Variants in TENM3 observed in about 807,000 individuals in gnomAD.
TENM3 encodes teneurin transmembrane protein 3, also known as teneurin-3.
A neutral mutation model predicts 255.1 loss-of-function variants in TENM3; 63 were observed. That is an observed-to-expected ratio of 0.25 (90% CI 0.20 to 0.30). The LOEUF (loss-of-function observed/expected upper bound fraction) is 0.30, where lower values mean the gene tolerates loss of function less well. TENM3 is among the 10% of genes least tolerant of loss of function. The pLI, the probability that TENM3 is intolerant of heterozygous loss-of-function variation, is 1.00. For synonymous variants in TENM3, 1,306 were observed against 1,322.3 expected (o/e 0.99, Z 0.27); for missense variants, 2,929 against 3,461.1 (o/e 0.85, Z 3.86).
the TENM3 span, among the ~76,000 whole-genome samples, chr4:182,069,095 G>A: frequency 6.6e-6 from 1 of 152,116 alleles, no homozygotes. Flanking sequence ...AAACCTTCAT[G>A]AGTGAAATTG....
chr4:181,841,063 A>G, the TENM3 span, among the ~76,000 whole-genome samples: 12 of 152,086 alleles, frequency 7.9e-5, no homozygotes, highest in Non-Finnish European at 1.6e-4. Flanking sequence ...TCTCCTCTGA[A>G]TTTGGAGAAC....
chr4:182,198,953 T>C (rs1046600559), intron 1 of TENM3, among the ~76,000 whole-genome samples: 3 of 152,080 alleles, frequency 2.0e-5, no homozygotes, highest in Non-Finnish European at 4.4e-5. Flanking sequence ...TCTTAACACA[T>C]GAAAGAAGAA....
At chr4:182,188,026 T>A (rs574234769) in intron 1 of TENM3, among the ~76,000 whole-genome samples, 121 of 152,330 alleles carry the variant, frequency 7.9e-4, no homozygotes, top group Non-Finnish European at 1.4e-3. Context: ...TGTGATACAG[T>A]GTTTAAATAC....
chr4:182,003,976 CTCTT>C, the TENM3 span, among the ~76,000 whole-genome samples: 1 of 151,856 alleles, frequency 6.6e-6, no homozygotes, highest in African/African-American at 2.4e-5. Context: ...TATTCTCACT[CTCTT>C]AATGCCAATG....
intron 3 of TENM3, among the ~76,000 whole-genome samples, chr4:182,411,037 G>T (rs185488672): frequency 1.4e-4 from 22 of 152,282 alleles, no homozygotes; most frequent in Non-Finnish European, 2.9e-4. Flanking sequence ...CAGGTGTAAA[G>T]GAGGAAATTA....
At chr4:182,433,480 AAAG>A (rs1771813001) in intron 3 of TENM3, among the ~76,000 whole-genome samples, 1 of 152,162 alleles carries the variant, frequency 6.6e-6, no homozygotes, top group African/African-American at 2.4e-5. Flanking sequence ...AGAGACAAAG[AAAG>A]AAGGAGACAG....
chr4:182,340,159 C>A (rs1156276097), intron 2 of TENM3, among the ~76,000 whole-genome samples: 1 of 152,170 alleles, frequency 6.6e-6, no homozygotes, highest in Non-Finnish European at 1.5e-5. Context: ...TGGGGCCATT[C>A]ATTCTAGTCC....
At chr4:181,909,631 C>G in the TENM3 span, among the ~76,000 whole-genome samples, 1 of 145,996 alleles carries the variant, frequency 6.8e-6, no homozygotes, top group African/African-American at 2.5e-5. Flanking sequence ...CATGTATCAT[C>G]TAGTAATGAT....
At chr4:182,255,277 A>G (rs1283762102) in intron 1 of TENM3, among the ~76,000 whole-genome samples, 1 of 152,166 alleles carries the variant, frequency 6.6e-6, no homozygotes, top group Non-Finnish European at 1.5e-5. Context: ...TAAGCGCATC[A>G]TGATAATGTA....
the TENM3 span, among the ~76,000 whole-genome samples, chr4:181,603,335 T>A: frequency 1.6e-3 from 248 of 152,250 alleles, 1 homozygote; most frequent in African/African-American, 5.8e-3. Context: ...TCTATGGAAG[T>A]GCGGTGATGG....
At chr4:181,787,084 C>T in the TENM3 span, among the ~76,000 whole-genome samples, 1 of 152,188 alleles carries the variant, frequency 6.6e-6, no homozygotes, top group Non-Finnish European at 1.5e-5. Flanking sequence ...CCTTCTTCAT[C>T]AAGGTTTTAA....
At chr4:181,668,982 A>G in the TENM3 span, among the ~76,000 whole-genome samples, 1 of 152,168 alleles carries the variant, frequency 6.6e-6, no homozygotes, top group Non-Finnish European at 1.5e-5. Context: ...ATAGATAGAG[A>G]ATATTCTCTG....
At chr4:182,513,841 G>T (rs1361569877) in intron 3 of TENM3, among the ~76,000 whole-genome samples, 2 of 152,180 alleles carry the variant, frequency 1.3e-5, no homozygotes, top group Non-Finnish European at 2.9e-5. Context: ...CCTTTAGTGG[G>T]CTTTCACACT....
At chr4:182,449,025 C>T (rs1283360485) in intron 3 of TENM3, 2 of 389,996 alleles carry the variant, frequency 5.1e-6, no homozygotes, top group South Asian at 1.7e-5. Context: ...CAGACCCAGG[C>T]AACTTGGCAG....
At chr4:181,634,620 A>T in the TENM3 span, among the ~76,000 whole-genome samples, 1 of 152,100 alleles carries the variant, frequency 6.6e-6, no homozygotes, top group Non-Finnish European at 1.5e-5. Context: ...AGGAAATAAG[A>T]TCTCCCTCTA....
chr4:182,206,674 A>T (rs1005236183), intron 1 of TENM3, among the ~76,000 whole-genome samples: 1 of 152,168 alleles, frequency 6.6e-6, no homozygotes, highest in African/African-American at 2.4e-5. Context: ...GTGCTAAAAA[A>T]TAAGGTGGTT....
chr4:181,522,100 CAAAAAAAAAAAAAA>C, the TENM3 span, among the ~76,000 whole-genome samples: 22 of 54,730 alleles, frequency 4.0e-4, no homozygotes, highest in African/African-American at 1.2e-3. Context: ...GACTCCGTCT[CAAAAAAAAAAAAAA>C]AAAAAAAAAA....
the TENM3 span, among the ~76,000 whole-genome samples, chr4:181,680,445 C>T: frequency 1.3e-5 from 2 of 152,020 alleles, no homozygotes; most frequent in Admixed American, 1.3e-4. Flanking sequence ...TAAAATAAGC[C>T]AGTCAAACTA....
the TENM3 span, among the ~76,000 whole-genome samples, chr4:181,636,345 T>A: frequency 1.3e-5 from 2 of 152,158 alleles, no homozygotes; most frequent in African/African-American, 4.8e-5. Flanking sequence ...CCATGGCCAT[T>A]TCTTGCTCTT....
Sources: allele counts gnomAD v4.1 joint callset (sites outside exome capture counted in the v4.1 genomes callset), GRCh38; gene constraint gnomAD v4.1.1; transcripts MANE v1.5; gene names NCBI Gene and HGNC (gene_info 2026-07-23, HGNC 2026-07-21).